Variants in BCKDHB observed in about 807,000 individuals in gnomAD.
The protein encoded by BCKDHB is 2-oxoisovalerate dehydrogenase subunit beta, mitochondrial.
BCKDHB carries 41 observed loss-of-function variants against 48.5 expected under a neutral mutation model. The observed-to-expected ratio is 0.85, with a 90% CI of 0.66 to 1.10. BCKDHB has a LOEUF of 1.10. Among genes scored for constraint, BCKDHB ranks in the 50% least tolerant of loss-of-function variants. BCKDHB has a pLI of 0.00. For missense variants in BCKDHB, 496 were observed against 494.2 expected (o/e 1.00, Z -0.03); for synonymous variants, 201 against 174.8 (o/e 1.15, Z -1.18).
chr6:80,249,898 T>A (rs1471083713), intron 8 of BCKDHB, among the ~76,000 whole-genome samples: 1 of 152,210 alleles, frequency 6.6e-6, no homozygotes, highest in Non-Finnish European at 1.5e-5. Flanking sequence ...AGGTAAGTTG[T>A]GGCATTGTTG....
At chr6:80,337,011 A>C (rs1769625744) in intron 9 of BCKDHB, among the ~76,000 whole-genome samples, 1 of 152,102 alleles carries the variant, frequency 6.6e-6, no homozygotes, top group Admixed American at 6.5e-5. Flanking sequence ...TTAAATGAAA[A>C]ATAATATTTT....
chr6:80,180,772 A>T (rs934452115), intron 6 of BCKDHB, among the ~76,000 whole-genome samples: 1 of 152,188 alleles, frequency 6.6e-6, no homozygotes, highest in Non-Finnish European at 1.5e-5. Flanking sequence ...TTTTTTGCCA[A>T]GTATCAGTGT....
At chr6:80,359,059 C>T in the BCKDHB span, among the ~76,000 whole-genome samples, 23 of 152,330 alleles carry the variant, frequency 1.5e-4, no homozygotes, top group African/African-American at 5.3e-4. Flanking sequence ...GTTCGAATCT[C>T]TCCCCTAATG....
chr6:80,338,372 G>T (rs1355030945), intron 9 of BCKDHB, among the ~76,000 whole-genome samples: 4 of 152,120 alleles, frequency 2.6e-5, no homozygotes, highest in Admixed American at 1.3e-4. Flanking sequence ...CCTTGTGTGC[G>T]CGGAGGGATT....
chr6:80,243,531 T>C (rs1776480778), intron 8 of BCKDHB, among the ~76,000 whole-genome samples: 1 of 152,220 alleles, frequency 6.6e-6, no homozygotes, highest in Admixed American at 6.5e-5. Flanking sequence ...TCCTTAAATA[T>C]CTCTCTCTCT....
chr6:80,204,557 G>A (rs1204186394), intron 8 of BCKDHB, among the ~76,000 whole-genome samples: 2 of 152,148 alleles, frequency 1.3e-5, no homozygotes, highest in South Asian at 2.1e-4. Context: ...TGTATTTTTA[G>A]TGTAGATGGT....
At chr6:80,405,367 G>A in the BCKDHB span, among the ~76,000 whole-genome samples, 2 of 151,942 alleles carry the variant, frequency 1.3e-5, no homozygotes, top group East Asian at 3.9e-4. Context: ...CTCTCTTTTG[G>A]TTTCTATTTG....
intron 8 of BCKDHB, among the ~76,000 whole-genome samples, chr6:80,235,188 T>A (rs1776098392): frequency 6.6e-6 from 1 of 152,210 alleles, no homozygotes; most frequent in South Asian, 2.1e-4. Context: ...AAATGATCAG[T>A]GTTTGAGATG....
chr6:80,374,703 C>A, the BCKDHB span: 1 of 336,128 alleles, frequency 3.0e-6, no homozygotes, highest in Admixed American at 4.1e-5. Flanking sequence ...ATTTGTCACC[C>A]GAATATCTAG....
chr6:80,327,031 C>T (rs988886784), intron 9 of BCKDHB, among the ~76,000 whole-genome samples: 1 of 152,062 alleles, frequency 6.6e-6, no homozygotes, highest in Non-Finnish European at 1.5e-5. Flanking sequence ...TAGCAAGGTA[C>T]TCTTTTTAAC....
chr6:80,395,436 A>G, the BCKDHB span, among the ~76,000 whole-genome samples: 1 of 152,232 alleles, frequency 6.6e-6, no homozygotes, highest in Admixed American at 6.5e-5. Flanking sequence ...ACTGGAGTAA[A>G]GATGAGTCTT....
At chr6:80,438,740 G>A in the BCKDHB span, among the ~76,000 whole-genome samples, 8 of 152,288 alleles carry the variant, frequency 5.3e-5, no homozygotes, top group African/African-American at 1.9e-4. Context: ...ATGAACTTTA[G>A]CATAACAAAC....
intron 3 of BCKDHB, among the ~76,000 whole-genome samples, chr6:80,147,330 T>C (rs1771537116): frequency 6.6e-6 from 1 of 152,172 alleles, no homozygotes; most frequent in South Asian, 2.1e-4. Context: ...GTTCATTGTA[T>C]TGGTTTTGTG....
At chr6:80,159,482 G>T (rs66560352) in intron 3 of BCKDHB, among the ~76,000 whole-genome samples, 12,688 of 152,046 alleles carry the variant, frequency 0.083, 621 homozygotes, top group African/African-American at 0.11. Flanking sequence ...TTAAATTTGC[G>T]TGCATATTCA....
chr6:80,406,057 T>A, the BCKDHB span, among the ~76,000 whole-genome samples: 4 of 152,148 alleles, frequency 2.6e-5, no homozygotes, highest in Non-Finnish European at 5.9e-5. Context: ...TTCCCACCTA[T>A]GAATGAGAAC....
the BCKDHB span, among the ~76,000 whole-genome samples, chr6:80,434,310 G>T: frequency 6.6e-6 from 1 of 151,044 alleles, no homozygotes; most frequent in Non-Finnish European, 1.5e-5. Context: ...AACAGATTAT[G>T]AGTATTATTT....
At chr6:80,120,770 T>A (rs1769968883) in intron 1 of BCKDHB, among the ~76,000 whole-genome samples, 1 of 152,218 alleles carries the variant, frequency 6.6e-6, no homozygotes, top group Admixed American at 6.5e-5. Context: ...TAGCCCTTTG[T>A]CAGATGGGTA....
intron 6 of BCKDHB, among the ~76,000 whole-genome samples, chr6:80,182,909 G>A (rs1414089777): frequency 3.3e-5 from 5 of 151,898 alleles, no homozygotes; most frequent in Non-Finnish European, 7.4e-5. Flanking sequence ...TATTCACATA[G>A]GCTTAGCTGG....
intron 9 of BCKDHB, among the ~76,000 whole-genome samples, chr6:80,282,488 C>T (rs1012428139): frequency 1.1e-4 from 17 of 151,966 alleles, no homozygotes; most frequent in Admixed American, 9.2e-4. Flanking sequence ...AGGAAAATAT[C>T]GGACACATTA....
Sources: gnomAD v4.1 joint callset for allele counts (sites outside exome capture counted in the v4.1 genomes callset) on GRCh38, gnomAD v4.1.1 for gene constraint, MANE v1.5 for transcripts, NCBI Gene and HGNC (gene_info 2026-07-23, HGNC 2026-07-21) for gene names.